The following TLK2 variants were observed in gnomAD, a reference collection of about 807,000 sequenced individuals.
TLK2 encodes the protein serine/threonine-protein kinase tousled-like 2.
In TLK2, 6 loss-of-function variants were observed where a neutral mutation model predicts 117.3. The observed-to-expected ratio is 0.05, with a 90% CI of 0.03 to 0.10. TLK2 has a LOEUF of 0.10. Among genes scored for constraint, TLK2 ranks in the 10% least tolerant of loss-of-function variants. The pLI is 1.00. For synonymous variants in TLK2, 257 were observed against 316.7 expected, an observed-to-expected ratio of 0.81 and a Z score of 2.00; for missense variants, 299 against 901.2, an observed-to-expected ratio of 0.33 and a Z score of 8.56.
intron 2 of TLK2, among the ~76,000 whole-genome samples, chr17:62,514,894 C>G (rs955082448): frequency 6.6e-6 from 1 of 152,140 alleles, no homozygotes; most frequent in Non-Finnish European, 1.5e-5. Context: ...CCACCGTGCC[C>G]GGCCCACCAT....
At chr17:62,548,857 C>T (rs1372684124) in intron 7 of TLK2, among the ~76,000 whole-genome samples, 1 of 151,548 alleles carries the variant, frequency 6.6e-6, no homozygotes, top group Non-Finnish European at 1.5e-5. Context: ...CTGCCTCAGC[C>T]TCCTGAGTAG....
Position 62,553,647 on chromosome 17 carries a change from A to G in TLK2, c.628-16A>G, listed in dbSNP as rs758708949. On this transcript the variant is annotated splice_polypyrimidine_tract_variant and intron_variant, in intron 8 of 21. Transcript: ENST00000346027. ...TTGAGACTAATCCTAAATTTGTTTT[A>G]CCTTTGTCTCTGTAGTCCGACCTCA... 1.9e-6 allele frequency: 3 copies of G among 1,574,736 alleles called. No homozygotes were observed. Among genetic ancestry groups the G allele is most frequent in the Admixed American group, 1.7e-5 (1 of 59,760 alleles).
chr17:62,578,421 T>C, intron 13 of TLK2, 56 bp from the exon 14 acceptor site: 1 of 1,390,570 alleles, frequency 7.2e-7, no homozygotes, highest in Non-Finnish European at 1.0e-6. Flanking sequence ...TGAAATAAGA[T>C]CCCGAAAAGG....
At chr17:62,610,558 G>A (rs1284753442) in intron 21 of TLK2, among the ~76,000 whole-genome samples, 2 of 152,232 alleles carry the variant, frequency 1.3e-5, no homozygotes, top group African/African-American at 4.8e-5. Flanking sequence ...GGTTAGGGAA[G>A]GCCTCAAAGA....
chr17:62,596,731 G>A, intron 17 of TLK2, 57 bp downstream of exon 17: 1 of 1,473,204 alleles, frequency 6.8e-7, no homozygotes, highest in Non-Finnish European at 9.5e-7. Context: ...AATGCTGATT[G>A]TTCATGGAAT....
intron 7 of TLK2, among the ~76,000 whole-genome samples, chr17:62,546,171 CA>C (rs2077896322): frequency 6.6e-6 from 1 of 151,938 alleles, no homozygotes; most frequent in Non-Finnish European, 1.5e-5. Context: ...CATGAGCCAC[CA>C]CACCATGTCC....
chr17:62,537,857 A>G (rs1361136253), intron 7 of TLK2, among the ~76,000 whole-genome samples: 1 of 152,128 alleles, frequency 6.6e-6, no homozygotes, highest in African/African-American at 2.4e-5. Context: ...AAATATACAT[A>G]CTTTAAAAAT....
At chr17:62,518,399 A>G (rs1224376151) in intron 2 of TLK2, among the ~76,000 whole-genome samples, 2 of 152,182 alleles carry the variant, frequency 1.3e-5, no homozygotes, top group South Asian at 2.1e-4. Flanking sequence ...TACCTAGACA[A>G]CTAAATGGAA....
chr17:62,501,304 G>A (rs1167100643), intron 2 of TLK2, among the ~76,000 whole-genome samples: 1 of 152,106 alleles, frequency 6.6e-6, no homozygotes, highest in African/African-American at 2.4e-5. Context: ...AAATTTGTGG[G>A]ATACAGCTAA....
intron 16 of TLK2, among the ~76,000 whole-genome samples, chr17:62,591,903 A>G (rs1054008153): frequency 6.6e-6 from 1 of 151,814 alleles, no homozygotes; most frequent in Non-Finnish European, 1.5e-5. Context: ...ATAGTGCTGA[A>G]TTACTTAAAA....
At chr17:62,522,944 G>A (rs2076139818) in intron 4 of TLK2, among the ~76,000 whole-genome samples, 190 bp from the exon 5 acceptor site, 1 of 152,116 alleles carries the variant, frequency 6.6e-6, no homozygotes, top group Non-Finnish European at 1.5e-5. Flanking sequence ...TTCACTGCTT[G>A]TTCAGTCCTT....
chr17:62,508,715 G>A (rs1286462697), intron 2 of TLK2, among the ~76,000 whole-genome samples: 2 of 152,094 alleles, frequency 1.3e-5, no homozygotes, highest in African/African-American at 2.4e-5. Flanking sequence ...GCCTGTAATC[G>A]CAGCACTTTG....
At chr17:62,609,449 AC>A (rs948914054) in intron 21 of TLK2, among the ~76,000 whole-genome samples, 2 of 152,196 alleles carry the variant, frequency 1.3e-5, no homozygotes, top group African/African-American at 4.8e-5. Flanking sequence ...TACCTATGTG[AC>A]ATAGGTTAGG....
intron 2 of TLK2, among the ~76,000 whole-genome samples, chr17:62,502,028 A>ATTTTTTTTTTTTTTTTTTTT (rs746988825): frequency 7.4e-6 from 1 of 134,246 alleles, no homozygotes; most frequent in African/African-American, 2.8e-5. Context: ...AAAAAATACC[A>ATTTTTTTTTTTTTTTTTTTT]ATTTTTTTTT....
chr17:62,553,817 T>A (rs1287900070), intron 9 of TLK2, 62 bp downstream of exon 9: 3 of 1,060,254 alleles, frequency 2.8e-6, no homozygotes, highest in East Asian at 2.4e-5. Context: ...ATTTGGATTA[T>A]GTACATATCA....
At chr17:62,563,765 A>G (rs1418294309) in intron 10 of TLK2, among the ~76,000 whole-genome samples, 1 of 152,140 alleles carries the variant, frequency 6.6e-6, no homozygotes, top group Non-Finnish European at 1.5e-5. Flanking sequence ...TAACATTCTT[A>G]CAGTTCATGA....
chr17:62,520,075 G>T lies in TLK2; in HGVS notation c.82-698G>T, dbSNP rs147340093. The stretch of plus-strand genomic sequence containing the variant: ...GGGTTCTAGTGGTAGACTAGGTGGG[G>T]ACAATAGCAAGCTTTTCTGTGAATG... On this transcript the variant is annotated intron_variant, in intron 2 of 21. Transcript: ENST00000346027. Among the ~76,000 whole-genome samples the T allele has an allele frequency of 4.0e-3, 602 of 152,294 alleles. 3 individuals carry two copies. Among genetic ancestry groups the T allele is most frequent in the African/African-American group, 0.014 (571 of 41,564 alleles).
At chr17:62,599,212 G>C (rs948433688) in intron 17 of TLK2, among the ~76,000 whole-genome samples, 2 of 152,218 alleles carry the variant, frequency 1.3e-5, no homozygotes, top group African/African-American at 4.8e-5. Flanking sequence ...CTCCCAAATT[G>C]CTGGGATTAC....
intron 5 of TLK2, 88 bp downstream of exon 5, chr17:62,523,265 T>C: frequency 6.6e-7 from 1 of 1,509,868 alleles, no homozygotes; most frequent in South Asian, 1.3e-5. Context: ...TAAATCCTTG[T>C]GTTCATTTGA....
Sources: allele counts gnomAD v4.1 joint callset (sites outside exome capture counted in the v4.1 genomes callset), GRCh38; gene constraint gnomAD v4.1.1; transcripts MANE v1.5; gene names NCBI Gene and HGNC (gene_info 2026-07-23, HGNC 2026-07-21).